IMMP2L: variants seen among roughly 807,000 people sequenced by gnomAD.
The protein encoded by IMMP2L is mitochondrial inner membrane protease subunit 2.
A neutral mutation model predicts 19.3 loss-of-function variants in IMMP2L; 18 were observed. That is an observed-to-expected ratio of 0.93 (90% confidence interval 0.64 to 1.38). The LOEUF (loss-of-function observed/expected upper bound fraction) is 1.38. IMMP2L is among the 40% of genes most tolerant of loss of function. The pLI is 0.00. For synonymous variants in IMMP2L, 76 were observed against 73.0 expected, an observed-to-expected ratio of 1.04 and a Z score of -0.21; for missense variants, 233 against 218.2, an observed-to-expected ratio of 1.07 and a Z score of -0.43.
At chr7:110,909,490 A>C (rs1183111351) in intron 4 of IMMP2L, among the ~76,000 whole-genome samples, 2 of 152,200 alleles carry the variant, frequency 1.3e-5, no homozygotes, top group Non-Finnish European at 2.9e-5. Flanking sequence ...AAAACTTCTA[A>C]TGCAGTGAAA....
At chr7:111,459,771 T>C (rs1346516683) in intron 3 of IMMP2L, among the ~76,000 whole-genome samples, 3 of 152,132 alleles carry the variant, frequency 2.0e-5, no homozygotes, top group Admixed American at 6.6e-5. Context: ...CATATCCTTT[T>C]TACTGATCAG....
At chr7:111,211,041 A>C (rs571608862) in intron 3 of IMMP2L, among the ~76,000 whole-genome samples, 1 of 152,174 alleles carries the variant, frequency 6.6e-6, no homozygotes, top group Non-Finnish European at 1.5e-5. Flanking sequence ...TCTATCTACC[A>C]AGTCATTTAA....
intron 4 of IMMP2L, chr7:110,962,413 A>T (rs1411663023): frequency 6.6e-6 from 1 of 151,136 alleles, no homozygotes; most frequent in Admixed American, 6.6e-5. Context: ...CTTTTCCAAA[A>T]GCAAACAATA....
At chr7:111,221,999 G>T (rs1415921480) in intron 3 of IMMP2L, among the ~76,000 whole-genome samples, 2 of 151,932 alleles carry the variant, frequency 1.3e-5, no homozygotes, top group Non-Finnish European at 2.9e-5. Context: ...GATGATGGGG[G>T]AAAAGTAAAT....
At position 111,300,782 on chromosome 7, in the gene IMMP2L, C is replaced by A. The variant is rs892764465; in HGVS notation, c.239+186456G>T. On this transcript the variant is annotated intron_variant, in intron 3 of 5. Transcript: ENST00000405709. Reference sequence around the variant, plus strand: ...AGCCAGATTATTTCATGTATCATACCTTTCCATTGCTGAGTAGGATTCTAG... The same window carrying A: ...AGCCAGATTATTTCATGTATCATACATTTCCATTGCTGAGTAGGATTCTAG... 3.3e-5 allele frequency among the ~76,000 whole-genome samples: 5 copies of A among 152,074 alleles called. No individual in the cohort carries two copies. In the South Asian group the frequency reaches 8.3e-4, roughly 25 times the overall value.
chr7:111,116,269 G>C (rs1003495038), intron 3 of IMMP2L, among the ~76,000 whole-genome samples: 7 of 152,018 alleles, frequency 4.6e-5, no homozygotes, highest in Non-Finnish European at 1.0e-4. Context: ...AAAAATAAAA[G>C]TTCTTAAACA....
At position 110,727,050 on chromosome 7, in the gene IMMP2L, G is replaced by A. The variant is rs1235941643; in HGVS notation, c.409-63329C>T. Among the ~76,000 whole-genome samples the A allele has an allele frequency of 5.3e-5, 8 of 152,230 alleles. No individual in the cohort carries two copies. The highest frequency in any genetic ancestry group is 1.0e-4 in the Non-Finnish European group (7 of 68,024). ...CCTTAGGCATTAAATAATTGCAGAC[G>A]GCAGAGTCAATAAAAGCATTCAGAA... On this transcript the variant is annotated intron_variant, in intron 5 of 5. Transcript: ENST00000405709. This position sits in a 1 kb window ranked among gnomAD's most constrained non-coding sequence, Gnocchi z 4.3.
At chr7:111,009,801 T>C (rs888548919) in intron 3 of IMMP2L, among the ~76,000 whole-genome samples, 8 of 152,264 alleles carry the variant, frequency 5.3e-5, no homozygotes, top group East Asian at 1.9e-4. Flanking sequence ...TTGGGTTCTC[T>C]GAGTAGAAGC....
At chr7:110,918,452 C>CTTTTTTTTTT (rs1029668134) in intron 4 of IMMP2L, among the ~76,000 whole-genome samples, 42 of 130,436 alleles carry the variant, frequency 3.2e-4, no homozygotes, top group African/African-American at 9.9e-4. Context: ...TTCTTTTTTT[C>CTTTTTTTTTT]TTTTTTTTTT....
At chr7:111,478,162 T>C (rs998035184) in intron 3 of IMMP2L, among the ~76,000 whole-genome samples, 3 of 152,156 alleles carry the variant, frequency 2.0e-5, no homozygotes, top group Admixed American at 6.5e-5. Context: ...TGATTGTGTG[T>C]TCCATTCTTT....
At chr7:110,816,677 T>G (rs1465150912) in intron 5 of IMMP2L, among the ~76,000 whole-genome samples, 1 of 150,566 alleles carries the variant, frequency 6.6e-6, no homozygotes, top group African/African-American at 2.4e-5. Context: ...ACATTTAGGA[T>G]AGTTAGCTCT....
intron 1 of IMMP2L, among the ~76,000 whole-genome samples, chr7:111,557,825 G>A (rs984939906): frequency 1.3e-5 from 2 of 151,750 alleles, no homozygotes; most frequent in Non-Finnish European, 2.9e-5. Flanking sequence ...AATGCAGATA[G>A]ATATACTAAA....
At chr7:111,449,002 A>G (rs1838839666) in intron 3 of IMMP2L, among the ~76,000 whole-genome samples, 1 of 151,088 alleles carries the variant, frequency 6.6e-6, no homozygotes, top group Non-Finnish European at 1.5e-5. Flanking sequence ...TCCCAAGACT[A>G]AACCAGGAAG....
chr7:111,152,179 T>C (rs1466698320), intron 3 of IMMP2L, among the ~76,000 whole-genome samples: 1 of 152,162 alleles, frequency 6.6e-6, no homozygotes, highest in Non-Finnish European at 1.5e-5. Flanking sequence ...GACTCTTCAC[T>C]ATAATTTAGT....
At position 111,538,609 on chromosome 7, in the gene IMMP2L, A is replaced by G. The variant is rs112407603; in HGVS notation, c.-2-17160T>C. On this transcript the variant is annotated intron_variant, in intron 1 of 5. Transcript: ENST00000405709. ...AGCTCAGGAGTTTGAAACCAACCTG[A>G]GCAGCATAGGAAGACCCTGTCTCTA... is the stretch of plus-strand genomic sequence containing the variant. Among the ~76,000 whole-genome samples the G allele has an allele frequency of 6.2e-3, 908 of 147,608 alleles. 11 individuals carry two copies. Among genetic ancestry groups the G allele is most frequent in the African/African-American group, 0.02 (799 of 39,704 alleles).
At chr7:110,693,749 G>C (rs377195197) in intron 5 of IMMP2L, among the ~76,000 whole-genome samples, 56 of 152,300 alleles carry the variant, frequency 3.7e-4, no homozygotes, top group African/African-American at 1.3e-3. Context: ...CCAGTGTCAT[G>C]AGTTTGATGT....
chr7:111,133,272 A>T (rs77797219), intron 3 of IMMP2L, among the ~76,000 whole-genome samples: 1,547 of 152,140 alleles, frequency 0.01, 29 homozygotes, highest in African/African-American at 0.034. Context: ...CAATTCAGGG[A>T]AACAAAAGTA....
chr7:110,817,683 G>A (rs908303779), intron 5 of IMMP2L, among the ~76,000 whole-genome samples: 19 of 152,068 alleles, frequency 1.2e-4, no homozygotes, highest in Admixed American at 2.0e-4. Flanking sequence ...GAACAAAGCC[G>A]GAAGCATCAT....
intron 3 of IMMP2L, among the ~76,000 whole-genome samples, chr7:111,158,944 T>C (rs971212407): frequency 6.6e-6 from 1 of 152,178 alleles, no homozygotes; most frequent in African/African-American, 2.4e-5. Flanking sequence ...GAGTCTTCTC[T>C]TCTTTTATAA....
Sources: gnomAD v4.1 joint callset for allele counts (sites outside exome capture counted in the v4.1 genomes callset) on GRCh38, gnomAD v4.1.1 for gene constraint, Gnocchi (gnomAD v3.1) non-coding constraint, MANE v1.5 for transcripts, NCBI Gene and HGNC (gene_info 2026-07-23, HGNC 2026-07-21) for gene names.